The following MEGF11 variants were observed in gnomAD, a reference collection of about 807,000 sequenced individuals.
The protein encoded by MEGF11 is multiple epidermal growth factor-like domains protein 11.
In MEGF11, 126 loss-of-function variants were observed where a neutral mutation model predicts 146.6. The ratio of observed to expected loss-of-function variants is 0.86; its 90% CI spans 0.74 to 1.00. The LOEUF is 1.00. Ranked by LOEUF, MEGF11 falls within the 50% of genes least tolerant of loss-of-function variation. The pLI is 0.00. For synonymous variants in MEGF11, 532 were observed against 583.4 expected (o/e 0.91, Z 1.27); for missense variants, 1,509 against 1,521.2 (o/e 0.99, Z 0.13).
At chr15:65,952,862 T>C (rs1286917772) in intron 10 of MEGF11, among the ~76,000 whole-genome samples, 1 of 152,254 alleles carries the variant, frequency 6.6e-6, no homozygotes, top group African/African-American at 2.4e-5. Flanking sequence ...TACCAATGCA[T>C]ACCCCAAGTG....
At chr15:66,183,535 C>T (rs1447403091) in intron 1 of MEGF11, among the ~76,000 whole-genome samples, 2 of 99,512 alleles carry the variant, frequency 2.0e-5, no homozygotes, top group Non-Finnish European at 4.1e-5. Flanking sequence ...ACCCCCCTGC[C>T]AAAAAGAAAA....
intron 4 of MEGF11, among the ~76,000 whole-genome samples, chr15:66,110,943 C>A (rs769545311): frequency 2.6e-5 from 4 of 152,166 alleles, no homozygotes; most frequent in Non-Finnish European, 5.9e-5. Flanking sequence ...CCTCCTCCCC[C>A]TCCAAACCTC....
At position 65,964,878 on chromosome 15, in the gene MEGF11, G is replaced by T. The variant is rs371449314; in HGVS notation, c.1112+30C>A. On this transcript the variant is annotated intron_variant, in intron 9 of 25. Coordinates refer to ENST00000395614, the MANE Select transcript of MEGF11 (RefSeq NM_001385028.1). Reference sequence around the variant, plus strand: ...CTCTACCTGAGCACCCCCCGCCCTTGTCCCGGGCTCGCCCATTCCCAGCTC... The same window carrying T: ...CTCTACCTGAGCACCCCCCGCCCTTTTCCCGGGCTCGCCCATTCCCAGCTC... The T allele has an allele frequency of 3.4e-6, 5 of 1,486,324 alleles. No individual in the cohort carries two copies. The Admixed American group carries it at 8.7e-5, about 26-fold the overall frequency. 92.1% of individuals were successfully genotyped at this position (1,486,324 alleles called of 1,614,324 possible).
chr15:66,248,962 G>A (rs571901876), intron 1 of MEGF11, among the ~76,000 whole-genome samples: 7 of 152,274 alleles, frequency 4.6e-5, no homozygotes, highest in Admixed American at 1.3e-4. Flanking sequence ...AAATGCTGGC[G>A]TTTAGGAGAA....
intron 1 of MEGF11, among the ~76,000 whole-genome samples, chr15:66,244,628 C>A (rs1039120261): frequency 6.6e-6 from 1 of 152,156 alleles, no homozygotes; most frequent in African/African-American, 2.4e-5. Flanking sequence ...ACGCTTTCCT[C>A]ATCTGCAGGA....
chr15:66,197,045 T>C (rs113363938), intron 1 of MEGF11, among the ~76,000 whole-genome samples: 2 of 152,190 alleles, frequency 1.3e-5, no homozygotes, highest in Admixed American at 6.5e-5. Flanking sequence ...ACTATCTGAG[T>C]ATATGCTGGA....
At chr15:66,140,247 C>T (rs1327221219) in intron 1 of MEGF11, among the ~76,000 whole-genome samples, 1 of 152,198 alleles carries the variant, frequency 6.6e-6, no homozygotes, top group Non-Finnish European at 1.5e-5. Context: ...TCATCATACT[C>T]CACTTCCCTG....
chr15:66,039,797 G>A (rs1201122294), intron 5 of MEGF11, among the ~76,000 whole-genome samples: 1 of 115,378 alleles, frequency 8.7e-6, no homozygotes, highest in Non-Finnish European at 1.8e-5. Flanking sequence ...CGGGTCAGGC[G>A]GCGGTGGGGT....
chr15:65,950,458 G>C (rs2141438363), intron 10 of MEGF11, among the ~76,000 whole-genome samples: 1 of 152,172 alleles, frequency 6.6e-6, no homozygotes, highest in South Asian at 2.1e-4. Flanking sequence ...TGCACCTGTA[G>C]ACCCAGCTAC....
chr15:66,004,060 T>A (rs2082447665), intron 5 of MEGF11, among the ~76,000 whole-genome samples: 1 of 152,154 alleles, frequency 6.6e-6, no homozygotes, highest in African/African-American at 2.4e-5. Flanking sequence ...TGCAAAAGGG[T>A]GACTCAATAT....
chr15:66,141,233 GGTGTGTGTGTGTGTGTGT>G lies in MEGF11; in HGVS notation c.-8-12840_-8-12823del, dbSNP rs572801225. Among the ~76,000 whole-genome samples the G allele has an allele frequency of 1.0e-3, 97 of 97,270 alleles. 1 individual carries two copies. Among genetic ancestry groups the G allele is most frequent in the African/African-American group, 3.4e-3 (87 of 25,740 alleles). 63.8% of individuals were successfully genotyped at this position (97,270 alleles called of 152,430 possible). ...GATGTCTCTGTCCTGCAGACTCAGG[GGTGTGTGTGTGTGTGTGT>G]GTGTGTGTGTGTGTGTGTGTGTGTG... On this transcript the variant is annotated intron_variant, in intron 1 of 25. Transcript: ENST00000395614.
rs769931844 is a variant in MEGF11 at position 65,916,819 on chromosome 15, G to A, written c.2215+9C>T. On this transcript the variant is annotated intron_variant, in intron 17 of 25. Transcript: ENST00000395614. ...CTAAGTGGCTGGGAGGCCAGGAGGTGGGGCTTACGCTGTGTGCAGAAGAGT... is the reference window on the plus strand; with the variant it reads ...CTAAGTGGCTGGGAGGCCAGGAGGTAGGGCTTACGCTGTGTGCAGAAGAGT... The A allele has an allele frequency of 6.2e-7, 1 of 1,611,064 alleles. No homozygotes were observed. The highest frequency in any genetic ancestry group is 8.5e-7 in the Non-Finnish European group (1 of 1,178,570).
intron 15 of MEGF11, among the ~76,000 whole-genome samples, chr15:65,920,468 C>T (rs930548234): frequency 6.6e-6 from 1 of 152,186 alleles, no homozygotes; most frequent in African/African-American, 2.4e-5. Flanking sequence ...GCTGCTCCCC[C>T]TACCCTACCC....
intron 5 of MEGF11, among the ~76,000 whole-genome samples, chr15:66,054,386 C>G (rs1467527839): frequency 1.3e-5 from 2 of 152,184 alleles, no homozygotes; most frequent in African/African-American, 4.8e-5. Context: ...TCCAGCCCCT[C>G]ATCTCCACCT....
chr15:66,151,127 G>A (rs74021650), intron 1 of MEGF11, among the ~76,000 whole-genome samples: 17,333 of 152,082 alleles, frequency 0.11, 1,920 homozygotes, highest in African/African-American at 0.29. Flanking sequence ...CTGAGTAGGA[G>A]AGGAGTGTCC....
At chr15:65,919,839 C>T (rs1006017228) in intron 15 of MEGF11, among the ~76,000 whole-genome samples, 3 of 152,158 alleles carry the variant, frequency 2.0e-5, no homozygotes, top group Non-Finnish European at 4.4e-5. Context: ...AGGCTGGTCT[C>T]GAACTCCTGA....
At chr15:65,971,196 TCA>T (rs1311306457) in intron 7 of MEGF11, 1 of 153,222 alleles carries the variant, frequency 6.5e-6, no homozygotes. Flanking sequence ...ACAAAGGATG[TCA>T]CACACTGGAA....
chr15:66,085,730 C>T (rs945785111), intron 5 of MEGF11, among the ~76,000 whole-genome samples: 2 of 152,200 alleles, frequency 1.3e-5, no homozygotes, highest in African/African-American at 4.8e-5. Flanking sequence ...TGAGAAGGAA[C>T]CAGAAAACCA....
At chr15:66,233,040 G>A (rs1425203678) in intron 1 of MEGF11, among the ~76,000 whole-genome samples, 1 of 152,140 alleles carries the variant, frequency 6.6e-6, no homozygotes, top group Non-Finnish European at 1.5e-5. Context: ...AAAGGCAGGT[G>A]TGACCCTAGA....
Sources: allele counts gnomAD v4.1 joint callset (sites outside exome capture counted in the v4.1 genomes callset), GRCh38; gene constraint gnomAD v4.1.1; transcripts MANE v1.5; gene names NCBI Gene and HGNC (gene_info 2026-07-23, HGNC 2026-07-21).